KCNAB1: variants seen among roughly 807,000 people sequenced by gnomAD.
KCNAB1 encodes the protein potassium voltage-gated channel subfamily A regulatory beta subunit 1.
A neutral mutation model predicts 64.6 loss-of-function variants in KCNAB1; 35 were observed. That is an observed-to-expected ratio of 0.54 (90% CI 0.41 to 0.72). The LOEUF (loss-of-function observed/expected upper bound fraction) is 0.72, where lower values mean the gene tolerates loss of function less well. Among genes scored for constraint, KCNAB1 ranks in the 30% least tolerant of loss-of-function variants. The pLI is 0.00. For missense variants in KCNAB1, 401 were observed against 512.9 expected, an observed-to-expected ratio of 0.78 and a Z score of 2.11; for synonymous variants, 177 against 183.8, an observed-to-expected ratio of 0.96 and a Z score of 0.30.
intron 1 of KCNAB1, among the ~76,000 whole-genome samples, chr3:156,218,226 C>T (rs1715445272): frequency 6.6e-6 from 1 of 152,118 alleles, no homozygotes; most frequent in Non-Finnish European, 1.5e-5. Context: ...GCTGGCTTTT[C>T]CCCACTTCCC....
Position 156,296,513 on chromosome 3 carries a change from G to A in KCNAB1, c.276-125103G>A, listed in dbSNP as rs1576690312. On this transcript the variant is annotated intron_variant, in intron 1 of 13. Coordinates refer to ENST00000490337, the MANE Select transcript of KCNAB1 (RefSeq NM_172160.3). ...TTTTGAGATGGAGTCTCGCTCTGTA[G>A]CGCAGGCTGGAGGGCAGTGGCGCCG... Among the ~76,000 whole-genome samples the A allele has an allele frequency of 1.4e-4, 18 of 132,018 alleles. 1 individual carries two copies. In the South Asian group the frequency reaches 4.3e-3, roughly 32 times the overall value. The allele number at this position is 132,018 out of a possible 152,430, so 86.6% of individuals were successfully genotyped here. A position where few individuals can be genotyped will look rare whatever the true frequency, so the allele number is the denominator to read the frequency against.
At chr3:156,367,037 G>A (rs1016695644) in intron 1 of KCNAB1, among the ~76,000 whole-genome samples, 6 of 152,246 alleles carry the variant, frequency 3.9e-5, no homozygotes, top group Non-Finnish European at 8.8e-5. Flanking sequence ...TCTAGTACCT[G>A]GGCAGGTTGA....
intron 1 of KCNAB1, among the ~76,000 whole-genome samples, chr3:156,137,529 TC>T (rs1260941317): frequency 1.3e-5 from 2 of 151,702 alleles, no homozygotes; most frequent in Non-Finnish European, 1.5e-5. Context: ...ACATTAGATT[TC>T]TTGATGGACT....
chr3:156,228,809 T>G (rs1457445709), intron 1 of KCNAB1, among the ~76,000 whole-genome samples: 2 of 152,242 alleles, frequency 1.3e-5, no homozygotes, highest in Non-Finnish European at 2.9e-5. Flanking sequence ...ACCACCCTAT[T>G]TCTCCTTCCA....
chr3:156,244,457 T>C (rs1282059194), intron 1 of KCNAB1, among the ~76,000 whole-genome samples: 3 of 152,238 alleles, frequency 2.0e-5, no homozygotes, highest in African/African-American at 7.2e-5. Flanking sequence ...TTTTGCCATG[T>C]AAAGCAACAT....
intron 1 of KCNAB1, among the ~76,000 whole-genome samples, chr3:156,328,605 G>A (rs1723136151): frequency 6.6e-6 from 1 of 152,170 alleles, no homozygotes; most frequent in African/African-American, 2.4e-5. Flanking sequence ...GTTGAGTTGA[G>A]TTTCATCAAG....
At chr3:156,473,395 C>T (rs1714085959) in intron 7 of KCNAB1, among the ~76,000 whole-genome samples, 4 of 152,164 alleles carry the variant, frequency 2.6e-5, no homozygotes. Context: ...CCTGTCCTTT[C>T]CTTACCTCCT....
At chr3:156,505,226 G>A (rs1173674296) in intron 8 of KCNAB1, among the ~76,000 whole-genome samples, 2 of 152,150 alleles carry the variant, frequency 1.3e-5, no homozygotes, top group Non-Finnish European at 2.9e-5. Flanking sequence ...CTGTAAATAT[G>A]TGAATTTATT....
intron 1 of KCNAB1, among the ~76,000 whole-genome samples, chr3:156,214,598 G>A (rs1715201858): frequency 6.6e-6 from 1 of 152,178 alleles, no homozygotes; most frequent in Non-Finnish European, 1.5e-5. Flanking sequence ...TCAGCTGAGA[G>A]CAGATAGTTA....
At chr3:156,456,281 C>A (rs1712426168) in intron 3 of KCNAB1, among the ~76,000 whole-genome samples, 1 of 151,648 alleles carries the variant, frequency 6.6e-6, no homozygotes, top group African/African-American at 2.4e-5. Context: ...CTTAAAAAAA[C>A]TCTCTAGATA....
intron 1 of KCNAB1, among the ~76,000 whole-genome samples, chr3:156,208,200 G>C (rs1714783163): frequency 6.6e-6 from 1 of 152,122 alleles, no homozygotes; most frequent in South Asian, 2.1e-4. Flanking sequence ...TTTGGGAAAG[G>C]GTGGATCATC....
intron 2 of KCNAB1, among the ~76,000 whole-genome samples, chr3:156,450,826 C>T (rs1711939364): frequency 1.3e-5 from 2 of 151,814 alleles, no homozygotes; most frequent in South Asian, 4.2e-4. Context: ...TTTTTCTTTG[C>T]AAACATTCTT....
intron 1 of KCNAB1, among the ~76,000 whole-genome samples, chr3:156,153,279 G>C (rs773200091): frequency 6.6e-6 from 1 of 152,172 alleles, no homozygotes; most frequent in Non-Finnish European, 1.5e-5. Context: ...AGTGATACTT[G>C]AGGATGACAT....
At chr3:156,162,900 G>C (rs1716164738) in intron 1 of KCNAB1, among the ~76,000 whole-genome samples, 2 of 152,116 alleles carry the variant, frequency 1.3e-5, no homozygotes, top group African/African-American at 4.8e-5. Flanking sequence ...ACAAAAATAA[G>C]ATCAGAAAAG....
At chr3:156,158,963 C>CA (rs1715916514) in intron 1 of KCNAB1, among the ~76,000 whole-genome samples, 2 of 152,116 alleles carry the variant, frequency 1.3e-5, no homozygotes, top group African/African-American at 4.8e-5. Flanking sequence ...ACTTCTGTAG[C>CA]TTCTGTGCTC....
intron 1 of KCNAB1, among the ~76,000 whole-genome samples, chr3:156,308,403 C>T (rs952668400): frequency 5.3e-5 from 8 of 151,942 alleles, no homozygotes; most frequent in Non-Finnish European, 1.0e-4. Context: ...AAGGATTGCT[C>T]GGGTTTCTTG....
intron 1 of KCNAB1, among the ~76,000 whole-genome samples, chr3:156,205,805 T>C (rs1714620812): frequency 6.6e-6 from 1 of 152,218 alleles, no homozygotes; most frequent in South Asian, 2.1e-4. Context: ...GACTAGATGC[T>C]TTAATGCCTT....
At chr3:156,228,109 T>C (rs1001261857) in intron 1 of KCNAB1, among the ~76,000 whole-genome samples, 4 of 152,154 alleles carry the variant, frequency 2.6e-5, no homozygotes, top group African/African-American at 4.8e-5. Flanking sequence ...TGTACCAAAT[T>C]GGTTCAATTC....
chr3:156,379,973 G>C (rs1215727047), intron 1 of KCNAB1, among the ~76,000 whole-genome samples: 1 of 152,184 alleles, frequency 6.6e-6, no homozygotes, highest in Non-Finnish European at 1.5e-5. Flanking sequence ...TAGTGCTAAG[G>C]TTTCAGCCTG....
Sources: gnomAD v4.1 joint callset for allele counts (sites outside exome capture counted in the v4.1 genomes callset) on GRCh38, gnomAD v4.1.1 for gene constraint, MANE v1.5 for transcripts, NCBI Gene and HGNC (gene_info 2026-07-23, HGNC 2026-07-21) for gene names.